The following ZNF609 variants were observed in gnomAD, a reference collection of about 807,000 sequenced individuals.
The protein encoded by ZNF609 is zinc finger protein 609.
Under a neutral mutation model 109.5 loss-of-function variants are expected in ZNF609, and 11 were observed. The observed-to-expected ratio is 0.10, with a 90% confidence interval of 0.06 to 0.17. The LOEUF is 0.17. ZNF609 is among the 10% of genes least tolerant of loss of function. The pLI, the probability that ZNF609 is intolerant of heterozygous loss-of-function variation, is 1.00. For missense variants in ZNF609, 1,559 were observed against 1,772.4 expected, an observed-to-expected ratio of 0.88 and a Z score of 2.16; for synonymous variants, 646 against 662.0, an observed-to-expected ratio of 0.98 and a Z score of 0.37.
At chr15:64,670,757 AATCCCAGCTGCTT>A (rs1460158012) in intron 4 of ZNF609, among the ~76,000 whole-genome samples, 2 of 151,850 alleles carry the variant, frequency 1.3e-5, no homozygotes, top group Non-Finnish European at 2.9e-5. Context: ...GCATGCCTGT[AATCCCAGCTGCTT>A]GAGAGGGTGA....
Position 64,575,436 on chromosome 15 carries a change from G to T in ZNF609, c.748-47391G>T, listed in dbSNP as rs551863513. 2.0e-5 allele frequency among the ~76,000 whole-genome samples: 3 copies of T among 151,208 alleles called. No individual in the cohort carries two copies. The South Asian group carries it at 6.3e-4, about 32-fold the overall frequency. On this transcript the variant is annotated intron_variant, in intron 2 of 9. Coordinates refer to ENST00000326648, the MANE Select transcript of ZNF609 (RefSeq NM_015042.2). ...CTCCATTTCAAAAAAAAAAAAGGAAGAAGAGGGGAAAACCAGAGGTTATCT... is the reference window on the plus strand; with the variant it reads ...CTCCATTTCAAAAAAAAAAAAGGAATAAGAGGGGAAAACCAGAGGTTATCT...
chr15:64,633,361 G>T (rs1896115951), intron 3 of ZNF609, among the ~76,000 whole-genome samples: 1 of 152,052 alleles, frequency 6.6e-6, no homozygotes, highest in Admixed American at 6.6e-5. Flanking sequence ...TGCTCAGGCT[G>T]GTCTCAAGCT....
intron 2 of ZNF609, chr15:64,500,440 G>A: frequency 1.5e-6 from 1 of 681,574 alleles, no homozygotes; most frequent in Non-Finnish European, 2.7e-6. Context: ...AGTCTGAGTT[G>A]AGACCTTCCC....
intron 3 of ZNF609, among the ~76,000 whole-genome samples, chr15:64,657,574 A>G (rs936787169): frequency 6.6e-6 from 1 of 152,190 alleles, no homozygotes; most frequent in Non-Finnish European, 1.5e-5. Context: ...AGATCGCGCT[A>G]CTGCACCCCA....
At chr15:64,595,983 A>C (rs1163361516) in intron 2 of ZNF609, among the ~76,000 whole-genome samples, 1 of 152,172 alleles carries the variant, frequency 6.6e-6, no homozygotes, top group Non-Finnish European at 1.5e-5. Flanking sequence ...TTGGTAGCTT[A>C]ATAAATAAAT....
chr15:64,684,559 C>G lies in ZNF609; in HGVS notation c.*2873C>G, dbSNP rs1374532302. On this transcript the variant is annotated 3_prime_UTR_variant, in exon 10 of 10. Transcript: ENST00000326648. ...TGTACATGTACATGTATGAAATTTC[C>G]TTCTCTTACCGAACTCTCTCCACAC... The G allele has an allele frequency of 6.6e-6, 1 of 152,450 alleles. No individual in the cohort carries two copies. The highest frequency in any genetic ancestry group is 2.1e-4 in the South Asian group (1 of 4,828). 9.4% of individuals were successfully genotyped at this position (152,450 alleles called of 1,614,324 possible). A position where few individuals can be genotyped will look rare whatever the true frequency, so the allele number is the denominator to read the frequency against.
chr15:64,550,856 A>G (rs1165680157), intron 2 of ZNF609, among the ~76,000 whole-genome samples: 1 of 149,652 alleles, frequency 6.7e-6, no homozygotes, highest in African/African-American at 2.5e-5. Context: ...AAAAAAAAAA[A>G]GAAACATGAT....
intron 1 of ZNF609, among the ~76,000 whole-genome samples, chr15:64,480,497 C>T (rs1203973122): frequency 6.6e-6 from 1 of 151,422 alleles, no homozygotes; most frequent in Non-Finnish European, 1.5e-5. Context: ...CACCACTGCA[C>T]TCCAGCCTGC....
chr15:64,497,435 G>A (rs1398820887), intron 1 of ZNF609, among the ~76,000 whole-genome samples: 2 of 151,910 alleles, frequency 1.3e-5, no homozygotes, highest in African/African-American at 4.8e-5. Context: ...ATCTTTTCTT[G>A]CCCCTACACC....
intron 1 of ZNF609, among the ~76,000 whole-genome samples, chr15:64,471,128 A>G (rs1010735590): frequency 6.6e-6 from 1 of 152,136 alleles, no homozygotes; most frequent in African/African-American, 2.4e-5. Context: ...TTGAGAGGCC[A>G]AGGCTGGCGG....
At chr15:64,576,885 C>CAT (rs1236734810) in intron 2 of ZNF609, among the ~76,000 whole-genome samples, 13 of 133,216 alleles carry the variant, frequency 9.8e-5, no homozygotes, top group Non-Finnish European at 1.9e-4. Context: ...TATATATACA[C>CAT]ATATAAATAT....
intron 2 of ZNF609, among the ~76,000 whole-genome samples, chr15:64,546,833 C>T (rs1894372320): frequency 6.9e-6 from 1 of 145,832 alleles, no homozygotes; most frequent in African/African-American, 2.6e-5. Flanking sequence ...CCCTGTCGCC[C>T]AGGCTGGAGT....
chr15:64,635,881 C>CCA (rs1555424173), intron 3 of ZNF609, among the ~76,000 whole-genome samples: 7 of 152,068 alleles, frequency 4.6e-5, no homozygotes, highest in African/African-American at 1.4e-4. Flanking sequence ...TCTGACTACT[C>CCA]TGAAACAAGG....
intron 1 of ZNF609, among the ~76,000 whole-genome samples, chr15:64,466,904 C>T (rs961194699): frequency 2.2e-4 from 34 of 152,086 alleles, no homozygotes; most frequent in Admixed American, 1.3e-4. Context: ...AACCCAGATC[C>T]TCCACCTCCT....
chr15:64,493,142 G>A (rs780015072), intron 1 of ZNF609, among the ~76,000 whole-genome samples: 8 of 152,022 alleles, frequency 5.3e-5, no homozygotes, highest in Non-Finnish European at 7.4e-5. Context: ...CCAATTAAAG[G>A]AATTGGCTCT....
chr15:64,670,486 G>A (rs1896709954), intron 4 of ZNF609, 53 bp downstream of exon 4: 4 of 1,449,384 alleles, frequency 2.8e-6, no homozygotes, highest in Non-Finnish European at 3.9e-6. Flanking sequence ...ACTAATTGGT[G>A]ATCCCTTATA....
intron 2 of ZNF609, among the ~76,000 whole-genome samples, chr15:64,573,219 CTT>C (rs757661525): frequency 2.2e-5 from 3 of 138,792 alleles, no homozygotes; most frequent in African/African-American, 2.6e-5. Context: ...GGAGTTTGAT[CTT>C]TTTTTTTTTT....
rs57690590 is a variant in ZNF609, at chr15:64,580,955, C to CTTT, written c.748-41846_748-41844dup. 5.6e-4 allele frequency among the ~76,000 whole-genome samples: 33 copies of CTTT among 58,746 alleles called. 1 individual carries two copies. The highest frequency in any genetic ancestry group is 2.3e-3 in the African/African-American group (29 of 12,808). 38.5% of individuals were successfully genotyped at this position (58,746 alleles called of 152,430 possible). Reference sequence around the variant, plus strand: ...TCTGTTTTCTAGTCTTCAATGTCTTCTTTTTTTTTTTTTTTTTTTTTTTTT... The same window carrying CTTT: ...TCTGTTTTCTAGTCTTCAATGTCTTCTTTTTTTTTTTTTTTTTTTTTTTTTTTT... On this transcript the variant is annotated intron_variant, in intron 2 of 9. Coordinates refer to ENST00000326648, the MANE Select transcript of ZNF609 (RefSeq NM_015042.2).
chr15:64,601,800 A>G lies in ZNF609; in HGVS notation c.748-21027A>G, dbSNP rs532939502. Among the ~76,000 whole-genome samples, 19 of 152,336 alleles carry G rather than the reference A, an allele frequency of 1.2e-4. No individual in the cohort carries two copies. In the South Asian group the frequency reaches 3.5e-3, roughly 28 times the overall value. On this transcript the variant is annotated intron_variant, in intron 2 of 9. Transcript: ENST00000326648. ...CAGTGATCTTCAGCAAAATCCTAGA[A>G]CAGGATATAAACAAATCACTTGTGA...
Sources: gnomAD v4.1 joint callset for allele counts (sites outside exome capture counted in the v4.1 genomes callset) on GRCh38, gnomAD v4.1.1 for gene constraint, MANE v1.5 for transcripts, NCBI Gene and HGNC (gene_info 2026-07-23, HGNC 2026-07-21) for gene names.